G2E3: variants seen among roughly 807,000 people sequenced by gnomAD.
The protein encoded by G2E3 is G2/M phase-specific E3 ubiquitin-protein ligase.
Under a neutral mutation model 92.8 loss-of-function variants are expected in G2E3, and 35 were observed. The observed-to-expected ratio is 0.38, with a 90% CI of 0.29 to 0.50. The LOEUF is 0.50. Among genes scored for constraint, G2E3 ranks in the 20% least tolerant of loss-of-function variants. The pLI, the probability that G2E3 is intolerant of heterozygous loss-of-function variation, is 0.94. For synonymous variants in G2E3, 242 were observed against 272.4 expected, an observed-to-expected ratio of 0.89 and a Z score of 1.10; for missense variants, 554 against 823.8, an observed-to-expected ratio of 0.67 and a Z score of 4.01.
In G2E3 at chr14:30,602,201, A is replaced by G. The variant is rs946036333; in HGVS notation, c.1010+70A>G. On this transcript the variant is annotated intron_variant, in intron 10 of 14. Coordinates refer to ENST00000206595, the MANE Select transcript of G2E3 (RefSeq NM_017769.5). ...AAAATTATGATAGGAAATGCCATAT[A>G]CATTTAGAATATTAGGTGATCATAC... The G allele has an allele frequency of 1.6e-5, 19 of 1,219,452 alleles. No homozygotes were observed. In the Admixed American group the frequency reaches 3.6e-4, roughly 23 times the overall value. 75.5% of individuals were successfully genotyped at this position (1,219,452 alleles called of 1,614,324 possible). A position where few individuals can be genotyped will look rare whatever the true frequency, so the allele number is the denominator to read the frequency against.
intron 2 of G2E3, among the ~76,000 whole-genome samples, chr14:30,585,203 A>G (rs1362536817): frequency 6.6e-6 from 1 of 152,060 alleles, no homozygotes; most frequent in African/African-American, 2.4e-5. Context: ...TTCTTTTGTT[A>G]CCTGTGCTTT....
chr14:30,618,944 G>T lies in G2E3; in HGVS notation c.*2410G>T, dbSNP rs1882440852. ...TAAATATTGCAATTGCCTAAATGTT[G>T]TATATTTTAAGGCTGTTTTCTCTTG... On this transcript the variant is annotated 3_prime_UTR_variant, in exon 15 of 15. Transcript: ENST00000206595. The T allele has an allele frequency of 1.3e-5, 2 of 152,040 alleles. No individual in the cohort carries two copies. The highest frequency in any genetic ancestry group is 4.8e-5 in the African/African-American group (2 of 41,514). The allele number at this position is 152,040 out of a possible 1,614,324, so 9.4% of individuals were successfully genotyped here.
At chr14:30,570,290 A>G (rs1269322771) in intron 1 of G2E3, among the ~76,000 whole-genome samples, 4 of 152,038 alleles carry the variant, frequency 2.6e-5, no homozygotes, top group African/African-American at 7.2e-5. Context: ...CTGTGTCTCA[A>G]TGTGGATCTC....
At position 30,598,401 on chromosome 14, in the gene G2E3, G is replaced by T. The variant is rs188616439; in HGVS notation, c.636-82G>T. 4.1e-6 allele frequency: 4 copies of T among 973,980 alleles called. No individual in the cohort carries two copies. The African/African-American group carries it at 4.8e-5, about 12-fold the overall frequency. 60.3% of individuals were successfully genotyped at this position (973,980 alleles called of 1,614,324 possible). On this transcript the variant is annotated intron_variant, in intron 7 of 14. Transcript: ENST00000206595. ...GACTGCGTCTCAAGAACAAAAAAAG[G>T]TTTTTATTTTTAGATTCATTCCTGA...
At chr14:30,579,969 C>A (rs1880336775) in intron 1 of G2E3, among the ~76,000 whole-genome samples, 1 of 151,922 alleles carries the variant, frequency 6.6e-6, no homozygotes, top group South Asian at 2.1e-4. Context: ...GTCTTCTTTT[C>A]TTTGATCTTT....
At chr14:30,579,547 C>T (rs1423050013) in intron 1 of G2E3, among the ~76,000 whole-genome samples, 3 of 152,148 alleles carry the variant, frequency 2.0e-5, no homozygotes, top group African/African-American at 4.8e-5. Context: ...AATCAGTCTT[C>T]ATAAAATAAT....
intron 1 of G2E3, among the ~76,000 whole-genome samples, chr14:30,580,119 A>C (rs1880345384): frequency 6.6e-6 from 1 of 152,236 alleles, no homozygotes. Flanking sequence ...GTAACAAGAC[A>C]GTCAGGTGCC....
Position 30,616,375 on chromosome 14 carries a change from G to A in G2E3, c.1962G>A (p.Glu654=). The change falls in exon 15 of 15, where the codon GAG becomes GAA. Residue 654 remains glutamate, a synonymous_variant. Coordinates refer to ENST00000206595, the MANE Select transcript of G2E3 (RefSeq NM_017769.5). ...GATTTAAACCCACTCCTTCAATTGA[G>A]TGTCTGCATGTGGATTTTCCTGTTG... The part of the protein sequence containing the change: ...PAGFKPTPSI[E]CLHVDFPVGN... The A allele has an allele frequency of 1.9e-6, 3 of 1,612,572 alleles. No individual in the cohort carries two copies. The highest frequency in any genetic ancestry group is 4.5e-5 in the East Asian group (2 of 44,810).
At chr14:30,604,479 T>G (rs1881729093) in intron 10 of G2E3, among the ~76,000 whole-genome samples, 1 of 152,220 alleles carries the variant, frequency 6.6e-6, no homozygotes, top group Admixed American at 6.5e-5. Flanking sequence ...ATATCGTCAC[T>G]TGGATTGTTA....
At chr14:30,593,123 C>G (rs558306714) in intron 5 of G2E3, among the ~76,000 whole-genome samples, 11 of 152,138 alleles carry the variant, frequency 7.2e-5, no homozygotes, top group African/African-American at 2.4e-4. Context: ...AAGTTCCTGC[C>G]TCCCTTAATT....
In G2E3 at chr14:30,590,243, A is replaced by C. The variant is rs565190860; in HGVS notation, c.237+759A>C. On this transcript the variant is annotated intron_variant, in intron 4 of 14. Transcript: ENST00000206595. ...ATGAAGGGATTCATCATTACACTGG[A>C]GGGGAAATGAAGGACACTGACACAT... 6.6e-5 allele frequency among the ~76,000 whole-genome samples: 10 copies of C among 152,218 alleles called. No individual in the cohort carries two copies. The South Asian group carries it at 1.4e-3, about 22-fold the overall frequency.
At chr14:30,606,356 G>A (rs1881831580) in intron 11 of G2E3, among the ~76,000 whole-genome samples, 1 of 151,744 alleles carries the variant, frequency 6.6e-6, no homozygotes, top group Admixed American at 6.6e-5. Flanking sequence ...TCTCTTTTAG[G>A]GGCTTTTATA....
intron 2 of G2E3, among the ~76,000 whole-genome samples, chr14:30,585,510 A>G (rs985704676): frequency 1.3e-5 from 2 of 150,932 alleles, no homozygotes; most frequent in African/African-American, 4.9e-5. Flanking sequence ...TCATTGATCT[A>G]TATGTTTATC....
At chr14:30,577,276 G>GT (rs1402782111) in intron 1 of G2E3, among the ~76,000 whole-genome samples, 1 of 150,686 alleles carries the variant, frequency 6.6e-6, no homozygotes, top group Admixed American at 6.6e-5. Context: ...GTTAGGATCT[G>GT]TTTATTTATT....
chr14:30,567,312 G>A (rs923883236), intron 1 of G2E3, among the ~76,000 whole-genome samples: 1 of 151,990 alleles, frequency 6.6e-6, no homozygotes. Flanking sequence ...TTTATTCGTT[G>A]GGAGGTTCTT....
chr14:30,596,795 A>G (rs1881313076), intron 6 of G2E3, among the ~76,000 whole-genome samples: 1 of 152,240 alleles, frequency 6.6e-6, no homozygotes, highest in Non-Finnish European at 1.5e-5. Flanking sequence ...TTTTTGGTAC[A>G]TAGCATGGTG....
At chr14:30,595,929 C>G (rs1312803409) in intron 6 of G2E3, among the ~76,000 whole-genome samples, 1 of 152,030 alleles carries the variant, frequency 6.6e-6, no homozygotes, top group Non-Finnish European at 1.5e-5. Flanking sequence ...TTGGATTTTT[C>G]CATCATTGCT....
At position 30,616,374 on chromosome 14, in the gene G2E3, A is replaced by C. The variant is rs755988824; in HGVS notation, c.1961A>C (p.Glu654Ala). The C allele has an allele frequency of 1.8e-5, 29 of 1,612,416 alleles. No homozygotes were observed. The highest frequency in any genetic ancestry group is 2.5e-5 in the Non-Finnish European group (29 of 1,178,810). ...PAGFKPTPSI[E>A]CLHVDFPVGN... ...GGATTTAAACCCACTCCTTCAATTG[A>C]GTGTCTGCATGTGGATTTTCCTGTT... is the stretch of plus-strand genomic sequence containing the variant. The change falls in exon 15 of 15, where the codon GAG becomes GCG. Residue 654 changes from glutamate (E) to alanine (A), a missense_variant. By Grantham distance (107) the Glu-to-Ala change is moderately radical. Transcript: ENST00000206595.
intron 6 of G2E3, among the ~76,000 whole-genome samples, chr14:30,596,064 C>T (rs890746696): frequency 8.4e-6 from 1 of 119,164 alleles, no homozygotes. Flanking sequence ...GCTCAAATAT[C>T]CTTTAGGTTC....
Sources: allele counts gnomAD v4.1 joint callset (sites outside exome capture counted in the v4.1 genomes callset), GRCh38; gene constraint gnomAD v4.1.1; transcripts MANE v1.5; gene names NCBI Gene and HGNC (gene_info 2026-07-23, HGNC 2026-07-21).